Variants in EXOC6B observed in about 807,000 individuals in gnomAD.
EXOC6B encodes the protein SEC15 homolog B.
A neutral mutation model predicts 113.5 loss-of-function variants in EXOC6B; 54 were observed. The observed-to-expected ratio is 0.48, with a 90% CI of 0.38 to 0.60. The LOEUF is 0.60. Ranked by LOEUF, EXOC6B falls within the 20% of genes least tolerant of loss-of-function variation. The probability of loss-of-function intolerance (pLI) is 0.00; values close to 1 mark genes in which losing one functional copy is unlikely to be tolerated. For missense variants in EXOC6B, 797 were observed against 977.5 expected (o/e 0.82, Z 2.46); for synonymous variants, 357 against 339.0 (o/e 1.05, Z -0.58).
At chr2:72,729,149 T>C (rs1289141193) in intron 5 of EXOC6B, among the ~76,000 whole-genome samples, 2 of 152,024 alleles carry the variant, frequency 1.3e-5, no homozygotes, top group Non-Finnish European at 2.9e-5. Context: ...AAACAATATA[T>C]GATTTATAAA....
intron 8 of EXOC6B, among the ~76,000 whole-genome samples, chr2:72,518,375 T>C (rs1372406056): frequency 6.6e-6 from 1 of 152,102 alleles, no homozygotes; most frequent in Non-Finnish European, 1.5e-5. Context: ...ACCATGTGAT[T>C]GGCACACTGA....
At chr2:72,409,949 C>A (rs557911182) in intron 18 of EXOC6B, among the ~76,000 whole-genome samples, 1 of 152,078 alleles carries the variant, frequency 6.6e-6, no homozygotes, top group African/African-American at 2.4e-5. Context: ...ATAACAGGGT[C>A]CCACAATGAG....
chr2:72,793,932 T>C (rs934384573), intron 1 of EXOC6B, among the ~76,000 whole-genome samples: 7 of 152,056 alleles, frequency 4.6e-5, no homozygotes, highest in Non-Finnish European at 7.4e-5. Flanking sequence ...GAGAAGAGTA[T>C]GTTGAGAAAA....
chr2:72,394,970 T>C (rs1262336083), intron 18 of EXOC6B, among the ~76,000 whole-genome samples: 1 of 151,990 alleles, frequency 6.6e-6, no homozygotes, highest in Non-Finnish European at 1.5e-5. Flanking sequence ...AAGGATGATC[T>C]GTAGAGGTAT....
chr2:72,585,911 C>T (rs1705537817), intron 6 of EXOC6B, among the ~76,000 whole-genome samples: 1 of 152,076 alleles, frequency 6.6e-6, no homozygotes, highest in Non-Finnish European at 1.5e-5. Context: ...GACATACAGA[C>T]CAAACAACAC....
At chr2:72,802,309 G>A (rs1363603842) in intron 1 of EXOC6B, among the ~76,000 whole-genome samples, 2 of 150,538 alleles carry the variant, frequency 1.3e-5, no homozygotes, top group Admixed American at 6.6e-5. Flanking sequence ...TGGGCAACAG[G>A]GCAAGACTCT....
chr2:72,316,215 C>A (rs558511469), intron 20 of EXOC6B, among the ~76,000 whole-genome samples: 1 of 152,152 alleles, frequency 6.6e-6, no homozygotes, highest in Non-Finnish European at 1.5e-5. Context: ...CAGGTGCTCA[C>A]CAGAACTGGA....
chr2:72,783,701 G>A (rs929756875), intron 1 of EXOC6B, among the ~76,000 whole-genome samples: 9 of 152,074 alleles, frequency 5.9e-5, no homozygotes, highest in Non-Finnish European at 1.3e-4. Context: ...AATAAATGTG[G>A]AGATTTTTTT....
rs61668760 is a variant in EXOC6B at position 72,601,124 on chromosome 2, ATGTGTGTGTGTGTGTG to A, written c.670-25472_670-25457del. Among the ~76,000 whole-genome samples, 286 of 138,674 alleles carry A rather than the reference ATGTGTGTGTGTGTGTG, an allele frequency of 2.1e-3. 2 individuals carry two copies. Among genetic ancestry groups the A allele is most frequent in the East Asian group, 5.3e-3 (25 of 4,702 alleles). The allele number at this position is 138,674 out of a possible 152,430, so 91.0% of individuals were successfully genotyped here. A position where few individuals can be genotyped will look rare whatever the true frequency, so the allele number is the denominator to read the frequency against. Reference sequence around the variant, plus strand: ...TACATATATATATATGTGTGTGTGTATGTGTGTGTGTGTGTGTGTGTGTGTGTGTGTGTGTGTGTGT... The same window carrying A: ...TACATATATATATATGTGTGTGTGTATGTGTGTGTGTGTGTGTGTGTGTGT... On this transcript the variant is annotated intron_variant, in intron 6 of 21. Transcript: ENST00000272427.
At chr2:72,194,599 G>C (rs73942554) in intron 20 of EXOC6B, among the ~76,000 whole-genome samples, 4,901 of 105,544 alleles carry the variant, frequency 0.046, 250 homozygotes, top group African/African-American at 0.22. Flanking sequence ...CTCTCTCTCT[G>C]TGTGTGTGTG....
intron 1 of EXOC6B, among the ~76,000 whole-genome samples, chr2:72,789,367 G>A (rs946633451): frequency 1.1e-4 from 16 of 152,112 alleles, no homozygotes; most frequent in African/African-American, 3.9e-4. Flanking sequence ...TCCCCACCCT[G>A]AGGCAATGTA....
intron 20 of EXOC6B, among the ~76,000 whole-genome samples, chr2:72,264,782 C>A (rs1683952535): frequency 6.6e-6 from 1 of 151,966 alleles, no homozygotes; most frequent in African/African-American, 2.4e-5. Flanking sequence ...TCTGGCATTT[C>A]CCCTACTGCC....
intron 18 of EXOC6B, among the ~76,000 whole-genome samples, chr2:72,381,899 A>G (rs1268194787): frequency 6.6e-6 from 1 of 152,210 alleles, no homozygotes; most frequent in Admixed American, 6.5e-5. Context: ...GTGCAATTGA[A>G]TATTTTCTAA....
chr2:72,531,433 G>A (rs940085542), intron 8 of EXOC6B, among the ~76,000 whole-genome samples: 17 of 151,970 alleles, frequency 1.1e-4, no homozygotes, highest in South Asian at 2.1e-4. Flanking sequence ...AGAAAGTACC[G>A]GCAAATCAAA....
intron 20 of EXOC6B, among the ~76,000 whole-genome samples, chr2:72,324,718 T>C (rs1389932151): frequency 1.3e-5 from 2 of 152,130 alleles, no homozygotes; most frequent in Non-Finnish European, 2.9e-5. Context: ...TCTGCTCAGT[T>C]CCAAACCTAA....
At chr2:72,183,623 T>C (rs917690934) in intron 21 of EXOC6B, among the ~76,000 whole-genome samples, 40 of 152,172 alleles carry the variant, frequency 2.6e-4, no homozygotes, top group African/African-American at 9.2e-4. Flanking sequence ...TCAATAATTC[T>C]AAATAATTTC....
At chr2:72,824,787 T>C (rs1021702625) in intron 1 of EXOC6B, among the ~76,000 whole-genome samples, 2 of 152,144 alleles carry the variant, frequency 1.3e-5, no homozygotes, top group African/African-American at 4.8e-5. Context: ...GGGAAAGTAG[T>C]TCAAAACTGG....
chr2:72,476,572 CTG>C (rs1448703030), intron 17 of EXOC6B, among the ~76,000 whole-genome samples: 1 of 152,166 alleles, frequency 6.6e-6, no homozygotes, highest in Non-Finnish European at 1.5e-5. Flanking sequence ...TCATTCTGAA[CTG>C]TGAGTAATTG....
At chr2:72,667,925 A>G (rs1005075341) in intron 6 of EXOC6B, among the ~76,000 whole-genome samples, 2 of 152,232 alleles carry the variant, frequency 1.3e-5, no homozygotes, top group Non-Finnish European at 2.9e-5. Context: ...TTATCAATAA[A>G]CAGGCAACCT....
Sources: allele counts gnomAD v4.1 joint callset (sites outside exome capture counted in the v4.1 genomes callset), GRCh38; gene constraint gnomAD v4.1.1; transcripts MANE v1.5; gene names NCBI Gene and HGNC (gene_info 2026-07-23, HGNC 2026-07-21).